The following TNRC6B variants were observed in gnomAD, a reference collection of about 807,000 sequenced individuals.
TNRC6B encodes the protein trinucleotide repeat-containing gene 6B protein.
Under a neutral mutation model 203.6 loss-of-function variants are expected in TNRC6B, and 52 were observed. The ratio of observed to expected loss-of-function variants is 0.26; its 90% CI spans 0.20 to 0.32. The LOEUF is 0.32. Ranked by LOEUF, TNRC6B falls within the 10% of genes least tolerant of loss-of-function variation. The pLI is 1.00. For synonymous variants in TNRC6B, 838 were observed against 845.7 expected, an observed-to-expected ratio of 0.99 and a Z score of 0.16; for missense variants, 1,923 against 2,286.2, an observed-to-expected ratio of 0.84 and a Z score of 3.24.
At chr22:40,065,182 A>G (rs1370071402) in intron 1 of TNRC6B, among the ~76,000 whole-genome samples, 2 of 152,062 alleles carry the variant, frequency 1.3e-5, no homozygotes, top group African/African-American at 2.4e-5. Flanking sequence ...AGAATTCCCC[A>G]GTGAGCTCTG....
chr22:40,121,365 T>A (rs2068444158), intron 2 of TNRC6B, among the ~76,000 whole-genome samples: 1 of 152,222 alleles, frequency 6.6e-6, no homozygotes, highest in African/African-American at 2.4e-5. Context: ...GTAATGCATG[T>A]GTGCTATTTG....
At chr22:40,106,756 T>A (rs1287927013) in intron 1 of TNRC6B, 2 of 789,426 alleles carry the variant, frequency 2.5e-6, no homozygotes, top group Non-Finnish European at 4.5e-6. Flanking sequence ...TTCGGACCTT[T>A]GGGCTTACCC....
At chr22:40,322,743 C>A in intron 22 of TNRC6B, 111 bp from the exon 23 acceptor site, 1 of 1,281,352 alleles carries the variant, frequency 7.8e-7, no homozygotes, top group Non-Finnish European at 1.1e-6. Flanking sequence ...ATGGATATGG[C>A]AGCTTCTAGT....
At chr22:40,300,685 T>C (rs2071011451) in intron 13 of TNRC6B, 99 bp downstream of exon 13, 1 of 1,454,988 alleles carries the variant, frequency 6.9e-7, no homozygotes. Context: ...CTTTCTATGT[T>C]CAAAGGGTGC....
In TNRC6B at chr22:40,075,709, C is replaced by T. The variant is rs546314653; in HGVS notation, c.-121+30711C>T. 4.6e-5 allele frequency among the ~76,000 whole-genome samples: 7 copies of T among 152,180 alleles called. No homozygotes were observed. In the South Asian group the frequency reaches 1.0e-3, roughly 23 times the overall value. ...TTTTCTGTTTATTCTTTCCTCTTTT[C>T]CTGGCTTCTTTTTGATTACTTTTTT... On this transcript the variant is annotated intron_variant, in intron 1 of 23. Coordinates refer to the TNRC6B transcript ENST00000301923.
chr22:40,116,433 A>C (rs896614543), intron 1 of TNRC6B, among the ~76,000 whole-genome samples: 1 of 152,210 alleles, frequency 6.6e-6, no homozygotes, highest in Non-Finnish European at 1.5e-5. Flanking sequence ...TTTCAGAGAG[A>C]GATTCCATCA....
intron 1 of TNRC6B, among the ~76,000 whole-genome samples, chr22:40,196,621 A>G (rs542449137): frequency 1.2e-4 from 17 of 147,210 alleles, no homozygotes; most frequent in African/African-American, 4.3e-4. Context: ...TCATTTTTAG[A>G]TTATGGAACT....
At chr22:40,230,772 A>G (rs931640194) in intron 1 of TNRC6B, among the ~76,000 whole-genome samples, 2 of 152,004 alleles carry the variant, frequency 1.3e-5, no homozygotes, top group Non-Finnish European at 2.9e-5. Context: ...TTTTTCTTTT[A>G]TGAATCATGT....
At chr22:40,096,522 C>T (rs1363252556) in intron 1 of TNRC6B, among the ~76,000 whole-genome samples, 1 of 152,108 alleles carries the variant, frequency 6.6e-6, no homozygotes. Flanking sequence ...AATGGTAGGA[C>T]TTCATCAAGA....
chr22:40,309,747 A>C (rs1008003993), intron 16 of TNRC6B, among the ~76,000 whole-genome samples: 1 of 152,192 alleles, frequency 6.6e-6, no homozygotes, highest in Non-Finnish European at 1.5e-5. Context: ...TTTAGAGCTT[A>C]TAGATCATGT....
At chr22:40,069,368 A>C (rs2067927358) in intron 1 of TNRC6B, among the ~76,000 whole-genome samples, 1 of 151,968 alleles carries the variant, frequency 6.6e-6, no homozygotes, top group Admixed American at 6.6e-5. Context: ...ACCCTCCCAA[A>C]GTGCTGGGAT....
intron 3 of TNRC6B, among the ~76,000 whole-genome samples, chr22:40,143,244 A>G (rs1406236486): frequency 1.3e-5 from 2 of 152,170 alleles, no homozygotes; most frequent in Non-Finnish European, 2.9e-5. Flanking sequence ...AGCCTGGGCA[A>G]CATGGCAAGA....
At chr22:40,124,978 A>G (rs1244256339) in intron 2 of TNRC6B, among the ~76,000 whole-genome samples, 1 of 151,774 alleles carries the variant, frequency 6.6e-6, no homozygotes, top group East Asian at 1.9e-4. Flanking sequence ...TCACCACTGC[A>G]CTGCAGCCTG....
At chr22:40,141,265 G>C (rs866906748) in intron 3 of TNRC6B, among the ~76,000 whole-genome samples, 28 of 144,504 alleles carry the variant, frequency 1.9e-4, no homozygotes, top group African/African-American at 7.0e-4. Context: ...GAATGCAGTG[G>C]CACAATCTCA....
At chr22:40,087,801 A>G (rs1406089860) in intron 1 of TNRC6B, among the ~76,000 whole-genome samples, 3 of 152,102 alleles carry the variant, frequency 2.0e-5, no homozygotes, top group Non-Finnish European at 4.4e-5. Flanking sequence ...GAGGCAGGGA[A>G]TTAGGAGAGG....
At chr22:40,136,139 T>C (rs2068597138) in intron 3 of TNRC6B, among the ~76,000 whole-genome samples, 1 of 152,200 alleles carries the variant, frequency 6.6e-6, no homozygotes. Flanking sequence ...TTAACAAAGA[T>C]AGATTGGAAT....
chr22:40,334,975 G>A lies in TNRC6B; in HGVS notation c.*11734G>A, dbSNP rs2044017630. 1 of 152,276 alleles carries A rather than the reference G, an allele frequency of 6.6e-6. No homozygotes were observed. The highest frequency in any genetic ancestry group is 1.5e-5 in the Non-Finnish European group (1 of 67,964). The allele number at this position is 152,276 out of a possible 1,614,324, so 9.4% of individuals were successfully genotyped here. A position where few individuals can be genotyped will look rare whatever the true frequency, so the allele number is the denominator to read the frequency against. ...CAGCAGAAACAAAACCTGTAAAAATGACTAATCAGCTGCACATATTGATGC... is the reference window on the plus strand; with the variant it reads ...CAGCAGAAACAAAACCTGTAAAAATAACTAATCAGCTGCACATATTGATGC... On this transcript the variant is annotated 3_prime_UTR_variant, in exon 23 of 23. Transcript: ENST00000454349.
chr22:40,210,899 A>G lies in TNRC6B; in HGVS notation c.5+32759A>G, dbSNP rs557748941. 3.9e-5 allele frequency among the ~76,000 whole-genome samples: 6 copies of G among 152,186 alleles called. No individual in the cohort carries two copies. In the East Asian group the frequency reaches 9.6e-4, roughly 24 times the overall value. Reference sequence around the variant, plus strand: ...CTTGTAAGGTGTTTAGCAGCCTCCTAAGCCTTCTACCCACTAGATGCTATT... The same window carrying G: ...CTTGTAAGGTGTTTAGCAGCCTCCTGAGCCTTCTACCCACTAGATGCTATT... On this transcript the variant is annotated intron_variant, in intron 1 of 22. Coordinates refer to ENST00000454349, the MANE Select transcript of TNRC6B (RefSeq NM_001162501.2).
At chr22:40,047,236 G>A (rs2067697860) in intron 1 of TNRC6B, among the ~76,000 whole-genome samples, 1 of 152,138 alleles carries the variant, frequency 6.6e-6, no homozygotes, top group Non-Finnish European at 1.5e-5. Context: ...GAGGGAGAAA[G>A]GGCACTGAAA....
Sources: allele counts gnomAD v4.1 joint callset (sites outside exome capture counted in the v4.1 genomes callset), GRCh38; gene constraint gnomAD v4.1.1; transcripts MANE v1.5; gene names NCBI Gene and HGNC (gene_info 2026-07-23, HGNC 2026-07-21).